Variants in PRKCB observed in about 807,000 individuals in gnomAD.
The protein encoded by PRKCB is protein kinase C beta type.
Under a neutral mutation model 81.5 loss-of-function variants are expected in PRKCB, and 13 were observed. That is an observed-to-expected ratio of 0.16 (90% CI 0.10 to 0.25). The LOEUF (loss-of-function observed/expected upper bound fraction) is 0.25. Ranked by LOEUF, PRKCB falls within the 10% of genes least tolerant of loss-of-function variation. The pLI, the probability that PRKCB is intolerant of heterozygous loss-of-function variation, is 1.00. For synonymous variants in PRKCB, 335 were observed against 321.4 expected (o/e 1.04, Z -0.45); for missense variants, 509 against 875.7 (o/e 0.58, Z 5.29).
chr16:23,875,547 T>C (rs1288097156), intron 2 of PRKCB, among the ~76,000 whole-genome samples: 1 of 56,872 alleles, frequency 1.8e-5, no homozygotes, highest in Non-Finnish European at 3.1e-5. Context: ...CACACATATG[T>C]ATGTATATCA....
intron 2 of PRKCB, among the ~76,000 whole-genome samples, chr16:23,849,391 T>C (rs2141081129): frequency 6.6e-6 from 1 of 152,304 alleles, no homozygotes; most frequent in Admixed American, 6.5e-5. Flanking sequence ...GCAGTGATTT[T>C]TGTGGGATGG....
At chr16:24,023,885 G>A (rs555062054) in intron 3 of PRKCB, among the ~76,000 whole-genome samples, 1 of 152,304 alleles carries the variant, frequency 6.6e-6, no homozygotes, top group South Asian at 2.1e-4. Flanking sequence ...AGGCTCTGCT[G>A]TCCATTCCGT....
At chr16:23,986,726 A>C (rs1174956714) in intron 2 of PRKCB, among the ~76,000 whole-genome samples, 1 of 152,150 alleles carries the variant, frequency 6.6e-6, no homozygotes, top group East Asian at 1.9e-4. Flanking sequence ...CTACTTCTCT[A>C]TCTCTTCCTC....
intron 2 of PRKCB, among the ~76,000 whole-genome samples, chr16:23,875,507 G>GTGTATATCACACACATATGT (rs752611366): frequency 0.013 from 244 of 18,244 alleles, 21 homozygotes; most frequent in African/African-American, 0.022. Context: ...ATATATATAT[G>GTGTATATCACACACATATGT]ATGTATATCA....
At chr16:24,170,726 A>G (rs1359097956) in intron 10 of PRKCB, among the ~76,000 whole-genome samples, 2 of 152,226 alleles carry the variant, frequency 1.3e-5, no homozygotes, top group East Asian at 3.8e-4. Context: ...CAGGTGTTGA[A>G]TAACTTCTCC....
At chr16:24,157,734 G>A (rs1351407025) in intron 10 of PRKCB, among the ~76,000 whole-genome samples, 4 of 146,222 alleles carry the variant, frequency 2.7e-5, no homozygotes, top group South Asian at 2.2e-4. Context: ...GAATTCTCAC[G>A]AGATCTGATG....
intron 5 of PRKCB, among the ~76,000 whole-genome samples, chr16:24,065,512 T>G (rs545867413): frequency 6.6e-6 from 1 of 152,334 alleles, no homozygotes; most frequent in East Asian, 1.9e-4. Flanking sequence ...CCATACACAT[T>G]GTAATTTTAC....
intron 2 of PRKCB, among the ~76,000 whole-genome samples, chr16:23,904,070 T>C (rs1963522509): frequency 1.3e-5 from 2 of 152,222 alleles, no homozygotes; most frequent in South Asian, 4.1e-4. Flanking sequence ...CATTAGCTTG[T>C]CTATTTCCTT....
chr16:23,881,884 T>A (rs1038493112), intron 2 of PRKCB, among the ~76,000 whole-genome samples: 4 of 152,128 alleles, frequency 2.6e-5, no homozygotes, highest in African/African-American at 4.8e-5. Flanking sequence ...TTCTATGAGT[T>A]TGGCTATTTT....
intron 2 of PRKCB, among the ~76,000 whole-genome samples, chr16:23,980,798 A>AATATATATATATATATATATATATAT (rs143162594): frequency 2.6e-4 from 38 of 148,778 alleles, no homozygotes; most frequent in African/African-American, 9.0e-4. Flanking sequence ...CTCCAAACAG[A>AATATATATATATATATATATATATAT]ATATATATAT....
chr16:24,133,480 A>G lies in PRKCB; in HGVS notation c.1065+9499A>G, dbSNP rs543411619. ...GACCTCCTCCACAGGCTTCAGCCTT[A>G]TGGGAGTCCCCAAGTCTTGGAAGCA... On this transcript the variant is annotated intron_variant, in intron 9 of 16. Coordinates refer to ENST00000643927, the MANE Select transcript of PRKCB (RefSeq NM_002738.7). Among the ~76,000 whole-genome samples the G allele has an allele frequency of 2.6e-5, 4 of 152,250 alleles. No homozygotes were observed. The South Asian group carries it at 6.2e-4, about 24-fold the overall frequency.
At chr16:24,096,677 A>ATATATC (rs1966448573) in intron 7 of PRKCB, among the ~76,000 whole-genome samples, 1 of 20,758 alleles carries the variant, frequency 4.8e-5, no homozygotes, top group Admixed American at 5.0e-4. Context: ...ATATATATAT[A>ATATATC]TATATATATA....
chr16:23,918,329 C>T (rs1963774034), intron 2 of PRKCB, among the ~76,000 whole-genome samples: 1 of 152,100 alleles, frequency 6.6e-6, no homozygotes, highest in South Asian at 2.1e-4. Flanking sequence ...TTTCAGTCAA[C>T]TTCACATGAT....
chr16:24,188,772 T>A (rs1044042377), intron 15 of PRKCB, among the ~76,000 whole-genome samples: 7 of 152,196 alleles, frequency 4.6e-5, no homozygotes, highest in Non-Finnish European at 7.3e-5. Context: ...AGCCTTGCCC[T>A]GCTCCTTAGC....
Position 24,048,205 on chromosome 16 carries a change from G to A in PRKCB, c.529+12658G>A, listed in dbSNP as rs114934256. 3.9e-3 allele frequency among the ~76,000 whole-genome samples: 599 copies of A among 152,274 alleles called. 4 individuals carry two copies. The highest frequency in any genetic ancestry group is 0.014 in the African/African-American group (577 of 41,544). On this transcript the variant is annotated intron_variant, in intron 5 of 16. Transcript: ENST00000643927. Reference sequence around the variant, plus strand: ...GCGAAGCACGTTGCTCAGCCATGTCGTATAATCCTATCAACAACCTGTAGT... The same window carrying A: ...GCGAAGCACGTTGCTCAGCCATGTCATATAATCCTATCAACAACCTGTAGT...
chr16:23,937,935 G>C (rs1180747810), intron 2 of PRKCB, among the ~76,000 whole-genome samples: 1 of 152,180 alleles, frequency 6.6e-6, no homozygotes, highest in Non-Finnish European at 1.5e-5. Flanking sequence ...AGAAGAGACC[G>C]AAGGAACTAG....
chr16:24,096,661 AAAAAAATAT>A (rs1046774316), intron 7 of PRKCB, among the ~76,000 whole-genome samples: 6 of 49,226 alleles, frequency 1.2e-4, no homozygotes, highest in East Asian at 1.5e-3. Context: ...GCAAAAAAAA[AAAAAAATAT>A]ATATATATAT....
At chr16:24,106,994 G>A (rs1453498947) in intron 7 of PRKCB, among the ~76,000 whole-genome samples, 3 of 151,970 alleles carry the variant, frequency 2.0e-5, no homozygotes, top group African/African-American at 7.3e-5. Flanking sequence ...TAAAGCATTC[G>A]GTTCAACTCC....
chr16:24,108,995 C>T (rs1966624273), intron 7 of PRKCB, among the ~76,000 whole-genome samples: 2 of 146,734 alleles, frequency 1.4e-5, no homozygotes, highest in South Asian at 2.2e-4. Context: ...ACCCCCCCAC[C>T]TCCCTCCCGG....
Sources: allele counts gnomAD v4.1 joint callset (sites outside exome capture counted in the v4.1 genomes callset), GRCh38; gene constraint gnomAD v4.1.1; transcripts MANE v1.5; gene names NCBI Gene and HGNC (gene_info 2026-07-23, HGNC 2026-07-21).